Variants in USP22 observed in about 807,000 individuals in gnomAD.
The protein encoded by USP22 is ubiquitin specific peptidase 22.
A neutral mutation model predicts 68.1 loss-of-function variants in USP22; 22 were observed. The observed-to-expected ratio is 0.32, with a 90% CI of 0.23 to 0.46. The LOEUF (loss-of-function observed/expected upper bound fraction) is 0.46, where lower values mean the gene tolerates loss of function less well. USP22 is among the 20% of genes least tolerant of loss of function. The pLI, the probability that USP22 is intolerant of heterozygous loss-of-function variation, is 1.00. For synonymous variants in USP22, 279 were observed against 274.2 expected (o/e 1.02, Z -0.17); for missense variants, 433 against 695.8 (o/e 0.62, Z 4.25).
At chr17:21,033,753 A>AT (rs34176328) in intron 1 of USP22, among the ~76,000 whole-genome samples, 53,666 of 146,018 alleles carry the variant, frequency 0.37, 10,462 homozygotes, top group African/African-American at 0.51. Context: ...GACAGGTATA[A>AT]TTTTTTTTTT....
chr17:21,034,101 G>T (rs930885182), intron 1 of USP22, among the ~76,000 whole-genome samples: 11 of 151,768 alleles, frequency 7.2e-5, no homozygotes, highest in Non-Finnish European at 1.5e-4. Context: ...AAAAGCTAAA[G>T]ACTTTGCCAA....
chr17:21,031,206 CAA>C (rs1269785993), intron 1 of USP22, among the ~76,000 whole-genome samples: 1 of 152,154 alleles, frequency 6.6e-6, no homozygotes, highest in African/African-American at 2.4e-5. Context: ...TATACGCAAC[CAA>C]AGACACGTAC....
intron 8 of USP22, among the ~76,000 whole-genome samples, 154 bp from the exon 9 acceptor site, chr17:21,008,150 T>C (rs1913836185): frequency 6.6e-6 from 1 of 152,124 alleles, no homozygotes; most frequent in Non-Finnish European, 1.5e-5. Flanking sequence ...AAAGAGAAAA[T>C]GTTGTCCACC....
At position 21,007,955 on chromosome 17, in the gene USP22, T is replaced by C. The variant is rs1279369934; in HGVS notation, c.1145A>G (p.Lys382Arg). Residue 382 changes from lysine (K) to arginine (R), a missense_variant, in exon 9 of 13, where the codon AAG becomes AGG. Around this residue, in one of 4 missense-constraint regions of USP22, gnomAD observed 178 missense variants for 351.5 expected, o/e 0.51. Coordinates refer to ENST00000261497, the MANE Select transcript of USP22 (RefSeq NM_015276.2). ...PEHLGSSAKI[K>R]CSGCHSYQES... ...CTGGTAGCTATGGCAACCGCTGCAC[T>C]TGATCTTGGCGCTGCTGCCCAAGTG... is the stretch of plus-strand genomic sequence containing the variant. 6.2e-7 allele frequency: 1 copy of C among 1,614,062 alleles called. No individual in the cohort carries two copies. Among genetic ancestry groups the C allele is most frequent in the Non-Finnish European group, 8.5e-7 (1 of 1,180,050 alleles).
At position 21,004,776 on chromosome 17, in the gene USP22, GCTGCGGGC is replaced by G; in HGVS notation, c.1385+144_1385+151del. On this transcript the variant is annotated intron_variant, in intron 11 of 12. Transcript: ENST00000261497. ...ACGTGGAGCGGCCTTTCCTAGTGGA[GCTGCGGGC>G]AGCCAATAGTGGAGCTGCGGGCAGC... The G allele has an allele frequency of 1.5e-4, 13 of 86,660 alleles. 2 individuals are homozygous for G. The highest frequency in any genetic ancestry group is 2.2e-4 in the Non-Finnish European group (7 of 31,134). The allele number at this position is 86,660 out of a possible 1,614,324, so 5.4% of individuals were successfully genotyped here.
At position 21,014,258 on chromosome 17, in the gene USP22, C is replaced by T. The variant is rs8074520; in HGVS notation, c.839-1323G>A. Among the ~76,000 whole-genome samples, 1,313 of 152,200 alleles carry T rather than the reference C, an allele frequency of 8.6e-3. 25 individuals carry two copies. Among genetic ancestry groups the T allele is most frequent in the African/African-American group, 0.029 (1,214 of 41,448 alleles). The stretch of plus-strand genomic sequence containing the variant: ...TTCCAAGGGAATTCTGTCAGAAGCA[C>T]GTCAGAGGTCACATTTTGTCATGTG... On this transcript the variant is annotated intron_variant, in intron 6 of 12. Transcript: ENST00000261497.
chr17:21,042,676 G>A lies in USP22; in HGVS notation c.160C>T (p.Arg54Cys). ...CFVWSGTAEA[R>C]KRKAKSCICH... ...GCTGCCGGGCGCACCTTGCGCTTGCGGGCCTCAGCCGTGCCGCTCCACACG... is the reference window on the plus strand; with the variant it reads ...GCTGCCGGGCGCACCTTGCGCTTGCAGGCCTCAGCCGTGCCGCTCCACACG... The change falls in exon 1 of 13, where the codon CGC becomes TGC. Residue 54 changes from arginine (R) to cysteine (C), a missense_variant. Coordinates refer to ENST00000261497, the MANE Select transcript of USP22 (RefSeq NM_015276.2). The A allele has an allele frequency of 7.7e-7, 1 of 1,297,650 alleles. No homozygotes were observed. The highest frequency in any genetic ancestry group is 9.8e-7 in the Non-Finnish European group (1 of 1,016,462). The allele number at this position is 1,297,650 out of a possible 1,614,324, so 80.4% of individuals were successfully genotyped here. A position where few individuals can be genotyped will look rare whatever the true frequency, so the allele number is the denominator to read the frequency against.
intron 1 of USP22, among the ~76,000 whole-genome samples, chr17:21,032,365 G>C (rs1008224541): frequency 1.3e-5 from 2 of 152,182 alleles, no homozygotes; most frequent in Non-Finnish European, 1.5e-5. Context: ...CTACACTGTG[G>C]AACAGCACGT....
intron 3 of USP22, among the ~76,000 whole-genome samples, chr17:21,019,444 A>G (rs1388440099): frequency 6.6e-6 from 1 of 152,212 alleles, no homozygotes; most frequent in Admixed American, 6.5e-5. Flanking sequence ...AACTACCCCA[A>G]CGCCAATGCC....
In USP22 at chr17:21,042,939, C is replaced by T; in HGVS notation, c.-104G>A. The T allele has an allele frequency of 1.3e-6, 1 of 752,702 alleles. No individual in the cohort carries two copies. The highest frequency in any genetic ancestry group is 1.8e-6 in the Non-Finnish European group (1 of 563,302). The allele number at this position is 752,702 out of a possible 1,614,324, so 46.6% of individuals were successfully genotyped here. A position where few individuals can be genotyped will look rare whatever the true frequency, so the allele number is the denominator to read the frequency against. On this transcript the variant is annotated 5_prime_UTR_variant, in exon 1 of 13. Transcript: ENST00000261497. ...CGGCGGCTGGCCAGGCTGGCCAAGGCCCGGGCGCCGAGAACAAAGCGCGGA... is the reference window on the plus strand; with the variant it reads ...CGGCGGCTGGCCAGGCTGGCCAAGGTCCGGGCGCCGAGAACAAAGCGCGGA...
intron 10 of USP22, chr17:21,005,223 G>C (rs955130173): frequency 3.7e-6 from 2 of 540,920 alleles, no homozygotes; most frequent in Non-Finnish European, 6.5e-6. Flanking sequence ...CGTGGCCCCT[G>C]GTTCTTCCAA....
At chr17:21,027,958 A>C (rs74867087) in intron 2 of USP22, among the ~76,000 whole-genome samples, 30,639 of 151,998 alleles carry the variant, frequency 0.2, 3,855 homozygotes, top group South Asian at 0.29. Context: ...ACAGCGCGAG[A>C]CTCCATCTCA....
chr17:21,021,284 C>T, intron 2 of USP22, 58 bp from the exon 3 acceptor site: 1 of 1,206,742 alleles, frequency 8.3e-7, no homozygotes, highest in Admixed American at 1.7e-5. Flanking sequence ...CAATGGAAGG[C>T]TGGAGGGCAG....
Position 21,038,379 on chromosome 17 carries a change from T to C in USP22, c.171+4286A>G, listed in dbSNP as rs112267376. Among the ~76,000 whole-genome samples, 77 of 151,934 alleles carry C rather than the reference T, an allele frequency of 5.1e-4. 1 individual carries two copies. The highest frequency in any genetic ancestry group is 2.5e-3 in the South Asian group (12 of 4,810). ...GAGCCAGTAAAGACAGACTGAGGCA[T>C]TGTTGGATGGCTGGGAGAGGTGGCT... On this transcript the variant is annotated intron_variant, in intron 1 of 12. Transcript: ENST00000261497.
chr17:21,022,589 G>A (rs1375777959), intron 2 of USP22, among the ~76,000 whole-genome samples: 1 of 152,074 alleles, frequency 6.6e-6, no homozygotes, highest in African/African-American at 2.4e-5. Flanking sequence ...CACGAGGTCA[G>A]GAGATTGAGA....
chr17:21,039,572 CAG>C (rs1972400957), intron 1 of USP22, among the ~76,000 whole-genome samples: 2 of 152,122 alleles, frequency 1.3e-5, no homozygotes, highest in East Asian at 2.0e-4. Context: ...TCTCAAAAAA[CAG>C]AGTTTTACTG....
At chr17:21,007,552 TTAAAA>T (rs1913817582) in intron 9 of USP22, among the ~76,000 whole-genome samples, 1 of 152,156 alleles carries the variant, frequency 6.6e-6, no homozygotes, top group East Asian at 1.9e-4. Flanking sequence ...GGCCTTTGTC[TTAAAA>T]TAAAACAGAA....
intron 8 of USP22, among the ~76,000 whole-genome samples, chr17:21,010,015 C>T (rs1485757502): frequency 1.3e-5 from 2 of 151,160 alleles, no homozygotes; most frequent in South Asian, 2.1e-4. Context: ...TGGTGGCACA[C>T]ACCTATAGTC....
chr17:21,002,999 G>A lies in USP22; in HGVS notation c.*32C>T. ...ACTTTGTGAGGCTTGCCAATGCATT[G>A]CCTTTGTTTTTCTGACCAGCTGCAG... is the stretch of plus-strand genomic sequence containing the variant. On this transcript the variant is annotated 3_prime_UTR_variant, in exon 13 of 13. Transcript: ENST00000261497. 1.2e-6 allele frequency: 2 copies of A among 1,612,342 alleles called. No homozygotes were observed. The highest frequency in any genetic ancestry group is 2.2e-5 in the East Asian group (1 of 44,850).
Sources: gnomAD v4.1 joint callset for allele counts (sites outside exome capture counted in the v4.1 genomes callset) on GRCh38, gnomAD v4.1.1 for gene constraint, gnomAD v4.1.1 regional missense constraint, MANE v1.5 for transcripts, NCBI Gene and HGNC (gene_info 2026-07-23, HGNC 2026-07-21) for gene names.